EIF3K: variants seen among roughly 807,000 people sequenced by gnomAD.
The protein encoded by EIF3K is eIF-3 p28.
In EIF3K, 27 loss-of-function variants were observed where a neutral mutation model predicts 34.2. The ratio of observed to expected loss-of-function variants is 0.79; its 90% CI spans 0.58 to 1.09. EIF3K has a LOEUF of 1.09. EIF3K is among the 50% of genes least tolerant of loss of function. EIF3K has a pLI of 0.00. For synonymous variants in EIF3K, 105 were observed against 105.7 expected, an observed-to-expected ratio of 0.99 and a Z score of 0.04; for missense variants, 232 against 275.4, an observed-to-expected ratio of 0.84 and a Z score of 1.11.
chr19:38,636,858 C>T (rs1976203026), intron 7 of EIF3K, 31 bp from the exon 8 acceptor site: 2 of 1,614,154 alleles, frequency 1.2e-6, no homozygotes, highest in Non-Finnish European at 8.5e-7. Flanking sequence ...CCGCCCTTCT[C>T]ACCTTCAGTC....
chr19:38,619,410 T>G (rs1975786859), intron 1 of EIF3K, 83 bp downstream of exon 1: 32 of 1,512,400 alleles, frequency 2.1e-5, no homozygotes, highest in Non-Finnish European at 2.5e-5. Context: ...GTGTTCAGGG[T>G]CCTGGGCTTG....
At chr19:38,632,310 G>A in intron 4 of EIF3K, 120 bp from the exon 5 acceptor site, 1 of 909,634 alleles carries the variant, frequency 1.1e-6, no homozygotes, top group Middle Eastern at 3.5e-4. Flanking sequence ...AAGATCACTT[G>A]AGCCCAGAAA....
At chr19:38,625,576 C>G (rs1975932877) in intron 3 of EIF3K, among the ~76,000 whole-genome samples, 1 of 149,676 alleles carries the variant, frequency 6.7e-6, no homozygotes, top group African/African-American at 2.5e-5. Context: ...AAGGCGTGAT[C>G]TTGGCTCACT....
chr19:38,633,185 G>A (rs1183446237), intron 6 of EIF3K, among the ~76,000 whole-genome samples: 1 of 152,046 alleles, frequency 6.6e-6, no homozygotes, highest in Non-Finnish European at 1.5e-5. Flanking sequence ...AAGCATGGGC[G>A]AAAGTAGAGA....
At chr19:38,623,632 T>C (rs374522894) in intron 2 of EIF3K, among the ~76,000 whole-genome samples, 1 of 144,300 alleles carries the variant, frequency 6.9e-6, no homozygotes, top group South Asian at 2.4e-4. Context: ...TGTTGTCCTC[T>C]TTTGCAAGGG....
At chr19:38,634,899 C>G in intron 6 of EIF3K, 94 bp from the exon 7 acceptor site, 1 of 1,565,156 alleles carries the variant, frequency 6.4e-7, no homozygotes, top group African/African-American at 1.3e-5. Flanking sequence ...GGGGGCTGCC[C>G]TGGCTTCCTG....
chr19:38,626,157 G>T, intron 4 of EIF3K, 55 bp downstream of exon 4: 1 of 1,537,292 alleles, frequency 6.5e-7, no homozygotes, highest in South Asian at 1.1e-5. Context: ...GTGGAGCTGA[G>T]TGCTAAAAGT....
chr19:38,634,921 T>G, intron 6 of EIF3K, 72 bp from the exon 7 acceptor site: 1 of 1,601,758 alleles, frequency 6.2e-7, no homozygotes, highest in Non-Finnish European at 8.5e-7. Context: ...GCCATGACTC[T>G]GTTGCCTCTC....
intron 1 of EIF3K, among the ~76,000 whole-genome samples, chr19:38,620,108 G>A (rs953432124): frequency 6.6e-6 from 1 of 152,210 alleles, no homozygotes; most frequent in Non-Finnish European, 1.5e-5. Flanking sequence ...TCCTAGGGAA[G>A]AGCCAGGGCT....
At chr19:38,630,214 T>A (rs1157334909) in intron 4 of EIF3K, among the ~76,000 whole-genome samples, 1 of 151,674 alleles carries the variant, frequency 6.6e-6, no homozygotes, top group Non-Finnish European at 1.5e-5. Flanking sequence ...AGTGCAGTGA[T>A]ATGATCTTGG....
At chr19:38,632,010 G>A (rs1351394235) in intron 4 of EIF3K, 2 of 191,608 alleles carry the variant, frequency 1.0e-5, no homozygotes, top group South Asian at 1.7e-4. Context: ...ATTTTTCTTA[G>A]TACAGAATAA....
At chr19:38,620,738 T>A (rs1281093986) in intron 2 of EIF3K, among the ~76,000 whole-genome samples, 9 of 151,476 alleles carry the variant, frequency 5.9e-5, no homozygotes, top group African/African-American at 2.2e-4. Context: ...TACTAAAAAA[T>A]ACCAAATTAG....
intron 6 of EIF3K, among the ~76,000 whole-genome samples, chr19:38,634,263 ATT>A (rs34872970): frequency 1.8e-3 from 205 of 113,728 alleles, no homozygotes; most frequent in African/African-American, 2.0e-3. Flanking sequence ...CGCCCAGCTA[ATT>A]TTTTTTTTTT....
intron 2 of EIF3K, among the ~76,000 whole-genome samples, chr19:38,622,361 G>A (rs1026373763): frequency 5.3e-5 from 8 of 152,140 alleles, no homozygotes; most frequent in Non-Finnish European, 8.8e-5. Context: ...CTGGGCGTCC[G>A]GGGGAGACAT....
intron 4 of EIF3K, among the ~76,000 whole-genome samples, chr19:38,629,705 G>C (rs1055143168): frequency 3.9e-5 from 6 of 152,170 alleles, no homozygotes; most frequent in African/African-American, 1.4e-4. Flanking sequence ...CCTTTGAGCA[G>C]AAATCTGAAG....
chr19:38,633,538 A>G (rs886607950), intron 6 of EIF3K, among the ~76,000 whole-genome samples: 1 of 151,900 alleles, frequency 6.6e-6, no homozygotes, highest in Non-Finnish European at 1.5e-5. Flanking sequence ...TCTCTACTAA[A>G]AATACAAAAA....
At chr19:38,635,343 A>T in intron 7 of EIF3K, 1 of 613,462 alleles carries the variant, frequency 1.6e-6, no homozygotes. Context: ...GTCCTGCCCC[A>T]TAGCACTCAG....
chr19:38,622,315 TAGA>T (rs1405309860), intron 2 of EIF3K, among the ~76,000 whole-genome samples: 1 of 152,082 alleles, frequency 6.6e-6, no homozygotes, highest in East Asian at 1.9e-4. Context: ...GCTTGAGAAA[TAGA>T]AGGACAGAGT....
rs944786794 is a variant in EIF3K, at chr19:38,620,517, G to T, written c.158+82G>T. 17 of 1,194,250 alleles carry T rather than the reference G, an allele frequency of 1.4e-5. No individual in the cohort carries two copies. In the African/African-American group the frequency reaches 2.4e-4, roughly 17 times the overall value. 74.0% of individuals were successfully genotyped at this position (1,194,250 alleles called of 1,614,324 possible). On this transcript the variant is annotated intron_variant, in intron 2 of 7. Transcript: ENST00000248342. ...CCCAGTACAGGGCAAGGGGGTGGCT[G>T]GTAGTATCCTGAACAATGCAGCATC...
Sources: gnomAD v4.1 joint callset for allele counts (sites outside exome capture counted in the v4.1 genomes callset) on GRCh38, gnomAD v4.1.1 for gene constraint, MANE v1.5 for transcripts, NCBI Gene and HGNC (gene_info 2026-07-23, HGNC 2026-07-21) for gene names.